DCTN1: variants seen among roughly 807,000 people sequenced by gnomAD.
DCTN1 encodes the protein dynactin subunit 1.
Under a neutral mutation model 161.2 loss-of-function variants are expected in DCTN1, and 61 were observed. That is an observed-to-expected ratio of 0.38 (90% CI 0.31 to 0.47). The LOEUF (loss-of-function observed/expected upper bound fraction) is 0.47. DCTN1 is among the 20% of genes least tolerant of loss of function. DCTN1 has a pLI of 0.99. For synonymous variants in DCTN1, 653 were observed against 632.4 expected (o/e 1.03, Z -0.49); for missense variants, 1,404 against 1,623.7 (o/e 0.86, Z 2.33).
chr2:74,368,076 G>T lies in DCTN1; in HGVS notation c.1910C>A (p.Ser637Ter). 6.2e-7 allele frequency: 1 copy of T among 1,609,660 alleles called. No individual in the cohort carries two copies. The highest frequency in any genetic ancestry group is 8.5e-7 in the Non-Finnish European group (1 of 1,177,802). The change falls in exon 17 of 32, where the codon TCA becomes TAA. Residue 637 changes from serine (S) to a stop codon, truncating the protein, a stop_gained. Coordinates refer to ENST00000628224, the MANE Select transcript of DCTN1 (RefSeq NM_004082.5). LOFTEE classifies it high-confidence loss of function. ...QEKFELSENC[S>*]ERPGLRGAAG... ...AGCTCCTCGCAGCCCAGGCCGCTCT[G>T]AACAGTTCTCACTTAGTTCAAACTT...
intron 1 of DCTN1, among the ~76,000 whole-genome samples, chr2:74,389,856 A>G (rs765686772): frequency 6.6e-5 from 10 of 152,154 alleles, no homozygotes; most frequent in Non-Finnish European, 1.5e-4. Flanking sequence ...ATCAACCTAA[A>G]TTGTCTAATA....
At chr2:74,379,915 A>G in intron 1 of DCTN1, 90 bp downstream of exon 1, 1 of 1,362,648 alleles carries the variant, frequency 7.3e-7, no homozygotes, top group Non-Finnish European at 1.0e-6. Flanking sequence ...GCTCCAGCCT[A>G]TCTCCCCAGC....
intron 16 of DCTN1, 60 bp from the exon 17 acceptor site, chr2:74,368,191 A>G: frequency 1.3e-6 from 2 of 1,548,834 alleles, no homozygotes; most frequent in Non-Finnish European, 1.7e-6. Flanking sequence ...ACAGAGACTC[A>G]GGAATATAGT....
chr2:74,365,214 G>T lies in DCTN1; in HGVS notation c.3057C>A (p.Leu1019=). 6.2e-7 allele frequency: 1 copy of T among 1,614,202 alleles called. No homozygotes were observed. The highest frequency in any genetic ancestry group is 2.2e-5 in the East Asian group (1 of 44,884). ...CCTCCAGCTGGTCGATGTCAGCCTG[G>T]AGTGCATCCATTGTCTCCTCAAACT... ...EKEFEETMDA[L]QADIDQLEAE... is the part of the protein sequence containing the mutation. Residue 1019 remains leucine (L), a synonymous_variant, in exon 26 of 32, where the codon CTC becomes CTA. Transcript: ENST00000628224.
chr2:74,379,922 C>T lies in DCTN1; in HGVS notation c.33+83G>A, dbSNP rs1478317663. On this transcript the variant is annotated intron_variant, in intron 1 of 31. Transcript: ENST00000628224. ...TCAGCTGAGCTCCAGCCTATCTCCCCAGCCCCCACAGCAATGATGTCCACA... is the reference window on the plus strand; with the variant it reads ...TCAGCTGAGCTCCAGCCTATCTCCCTAGCCCCCACAGCAATGATGTCCACA... The T allele has an allele frequency of 2.1e-6, 3 of 1,424,900 alleles. No homozygotes were observed. In the East Asian group the frequency reaches 6.9e-5, roughly 33 times the overall value. 88.3% of individuals were successfully genotyped at this position (1,424,900 alleles called of 1,614,324 possible). A position where few individuals can be genotyped will look rare whatever the true frequency, so the allele number is the denominator to read the frequency against.
At position 74,380,046 on chromosome 2, in the gene DCTN1, C is replaced by T. The variant is rs560994522; in HGVS notation, c.-9G>A. ...CTCTTGCTCTGTGCCATGTTGCTCA[C>T]CCGGCCTCTACCCCCTCCCCCAGCT... On this transcript the variant is annotated 5_prime_UTR_variant, in exon 1 of 32. It adds an upstream start codon to the 5' untranslated region. Coordinates refer to ENST00000628224, the MANE Select transcript of DCTN1 (RefSeq NM_004082.5). 3 of 1,614,104 alleles carry T rather than the reference C, an allele frequency of 1.9e-6. No individual in the cohort carries two copies. The highest frequency in any genetic ancestry group is 2.5e-6 in the Non-Finnish European group (3 of 1,180,004).
chr2:74,361,496 T>C lies in DCTN1; in HGVS notation c.*3A>G. On this transcript the variant is annotated 3_prime_UTR_variant, in exon 32 of 32. Coordinates refer to ENST00000628224, the MANE Select transcript of DCTN1 (RefSeq NM_004082.5). ...CGAAGGGGACAGCAGGGGAAAGGAGTGCTTAGGAGATGAGGCGACTGTGAA... is the reference window on the plus strand; with the variant it reads ...CGAAGGGGACAGCAGGGGAAAGGAGCGCTTAGGAGATGAGGCGACTGTGAA... 6.2e-7 allele frequency: 1 copy of C among 1,612,794 alleles called. No individual in the cohort carries two copies.
In DCTN1 at chr2:74,370,172, TG is replaced by T; in HGVS notation, c.1287+13del. On this transcript the variant is annotated intron_variant, in intron 12 of 31. Coordinates refer to ENST00000628224, the MANE Select transcript of DCTN1 (RefSeq NM_004082.5). The surrounding 1 kb of genome is among the most constrained non-coding windows in gnomAD (Gnocchi z 4.4). ...AGGTGGGGGATTCTGGGTGAGGGGCTGGGCTCCCCAGACCTGCTCCTTGAGC... is the reference window on the plus strand; with the variant it reads ...AGGTGGGGGATTCTGGGTGAGGGGCTGGCTCCCCAGACCTGCTCCTTGAGC... 1 of 1,613,716 alleles carries T rather than the reference TG, an allele frequency of 6.2e-7. No homozygotes were observed. Among genetic ancestry groups the T allele is most frequent in the Non-Finnish European group, 8.5e-7 (1 of 1,180,028 alleles).
rs142107482 is a variant in DCTN1 at position 74,366,867 on chromosome 2, G to T, written c.2382C>A (p.Ile794=). The change falls in exon 21 of 32, where the codon ATC becomes ATA. Residue 794 remains isoleucine, a synonymous_variant. Transcript: ENST00000628224. ...LRDLETSCSD[I]RQFCKKIRRR... is the part of the protein sequence containing the mutation. ...TTCGGATCTTCTTGCAGAACTGGCG[G>T]ATGTCACTGCATGAAGTTTCCAGAT... 9.3e-6 allele frequency: 15 copies of T among 1,614,122 alleles called. No homozygotes were observed. In the African/African-American group the frequency reaches 2.0e-4, roughly 22 times the overall value.
Position 74,370,563 on chromosome 2 carries a change from A to G in DCTN1, c.1049-19T>C. ...TCTGAGCCTGGAGAAGATCATTAAC[A>G]CTTTCAGGCATGGTTCTCACCTGAC... On this transcript the variant is annotated intron_variant, in intron 10 of 31. Transcript: ENST00000628224. The surrounding 1 kb of genome is among the most constrained non-coding windows in gnomAD (Gnocchi z 4.4). The G allele has an allele frequency of 2.5e-6, 4 of 1,614,040 alleles. No individual in the cohort carries two copies. The highest frequency in any genetic ancestry group is 3.4e-6 in the Non-Finnish European group (4 of 1,180,032).
chr2:74,365,343 C>A, intron 25 of DCTN1, 102 bp from the exon 26 acceptor site: 1 of 1,564,014 alleles, frequency 6.4e-7, no homozygotes, highest in Non-Finnish European at 8.7e-7. Flanking sequence ...AGTGAGAAGC[C>A]AGGGCAGAGC....
Position 74,362,989 on chromosome 2 carries a change from C to T in DCTN1, c.3529+5G>A, listed in dbSNP as rs72466494. 8.1e-3 allele frequency: 13,131 copies of T among 1,611,326 alleles called. 50 individuals are homozygous for T. The highest frequency in any genetic ancestry group is 9.7e-3 in the Non-Finnish European group (11,386 of 1,178,776). ...TATTCATCTTGGGGGTTGGCAGGTA[C>T]ATACCAGGGCTGGTGCGAGTGATGT... On this transcript the variant is annotated splice_donor_5th_base_variant and intron_variant, in intron 29 of 31. Coordinates refer to ENST00000628224, the MANE Select transcript of DCTN1 (RefSeq NM_004082.5).
chr2:74,361,665 C>T (rs1357150391), intron 31 of DCTN1, 29 bp from the exon 32 acceptor site: 1 of 1,614,004 alleles, frequency 6.2e-7, no homozygotes, highest in Non-Finnish European at 8.5e-7. Flanking sequence ...AAAAAGACTC[C>T]AGGTCAGGGG....
chr2:74,381,662 G>A (rs1343349181), upstream of DCTN1, among the ~76,000 whole-genome samples: 2 of 152,158 alleles, frequency 1.3e-5, no homozygotes, highest in African/African-American at 4.8e-5. Context: ...AACCATGGTT[G>A]AGTACTGGTT....
At position 74,380,187 on chromosome 2, in the gene DCTN1, C is replaced by T. The variant is rs1675449386; in HGVS notation, c.-150G>A. ...CCCTCCCCAGTCCATGGGCCTCACT[C>T]GGTGGCCTACACGGGTAGGGGTGGG... On this transcript the variant is annotated 5_prime_UTR_variant, in exon 1 of 32. Transcript: ENST00000628224. 3 of 811,686 alleles carry T rather than the reference C, an allele frequency of 3.7e-6. No homozygotes were observed. The highest frequency in any genetic ancestry group is 6.2e-6 in the Non-Finnish European group (3 of 481,552). 50.3% of individuals were successfully genotyped at this position (811,686 alleles called of 1,614,324 possible).
At chr2:74,377,822 C>T in intron 2 of DCTN1, 96 bp from the exon 3 acceptor site, 1 of 1,470,846 alleles carries the variant, frequency 6.8e-7, no homozygotes. Flanking sequence ...CCAAGCAAAC[C>T]AAGAGTACAG....
At chr2:74,377,870 C>T in intron 2 of DCTN1, 130 bp downstream of exon 2, 1 of 1,481,618 alleles carries the variant, frequency 6.7e-7, no homozygotes, top group Non-Finnish European at 9.3e-7. Context: ...ATCTTCCCTC[C>T]CCCACTACCT....
At chr2:74,389,598 C>CACTTATCA in intron 1 of DCTN1, among the ~76,000 whole-genome samples, 1 of 152,330 alleles carries the variant, frequency 6.6e-6, no homozygotes, top group Non-Finnish European at 1.5e-5. Flanking sequence ...AGTCAGGCCC[C>CACTTATCA]ACTTATCAAT....
At chr2:74,371,830 A>G in intron 7 of DCTN1, 102 bp from the exon 8 acceptor site, 1 of 939,776 alleles carries the variant, frequency 1.1e-6, no homozygotes, top group Non-Finnish European at 1.7e-6. Context: ...AAGGAGACAG[A>G]AAAGGGAAAA....
Sources: gnomAD v4.1 joint callset for allele counts (sites outside exome capture counted in the v4.1 genomes callset) on GRCh38, gnomAD v4.1.1 for gene constraint, Gnocchi (gnomAD v3.1) non-coding constraint, MANE v1.5 for transcripts, NCBI Gene and HGNC (gene_info 2026-07-23, HGNC 2026-07-21) for gene names.